The following MTTP variants were observed in gnomAD, a reference collection of about 807,000 sequenced individuals.
MTTP encodes the protein microsomal triglyceride transfer protein.
MTTP carries 49 observed loss-of-function variants against 90.6 expected under a neutral mutation model. That is an observed-to-expected ratio of 0.54 (90% CI 0.43 to 0.69). The LOEUF is 0.69. Among genes scored for constraint, MTTP ranks in the 30% least tolerant of loss-of-function variants. MTTP has a pLI of 0.00. For synonymous variants in MTTP, 347 were observed against 384.2 expected (o/e 0.90, Z 1.13); for missense variants, 945 against 1,067.5 (o/e 0.89, Z 1.60).
intron 15 of MTTP, among the ~76,000 whole-genome samples, chr4:99,615,389 A>G (rs1264873160): frequency 6.6e-6 from 1 of 152,248 alleles, no homozygotes; most frequent in Non-Finnish European, 1.5e-5. Context: ...GATCTAGATT[A>G]TCTTGTACAG....
chr4:99,584,703 T>C (rs906916823), intron 3 of MTTP, among the ~76,000 whole-genome samples: 4 of 152,262 alleles, frequency 2.6e-5, no homozygotes, highest in Non-Finnish European at 4.4e-5. Flanking sequence ...TAACCATCAC[T>C]CTTTAGAATG....
At chr4:99,611,758 C>T (rs1236327258) in intron 14 of MTTP, among the ~76,000 whole-genome samples, 1 of 152,106 alleles carries the variant, frequency 6.6e-6, no homozygotes, top group African/African-American at 2.4e-5. Flanking sequence ...CTTACATAAA[C>T]GTTTAAAAAT....
intron 6 of MTTP, among the ~76,000 whole-genome samples, chr4:99,593,773 A>T (rs896626617): frequency 9.2e-5 from 14 of 152,168 alleles, no homozygotes; most frequent in African/African-American, 3.4e-4. Context: ...TCTACTTCAT[A>T]TACTACTGGT....
At chr4:99,620,962 C>T (rs573698308) in intron 16 of MTTP, 99 bp from the exon 17 acceptor site, 314 of 1,143,690 alleles carry the variant, frequency 2.7e-4, no homozygotes, top group Non-Finnish European at 3.7e-4. Context: ...CTTCCAGTCA[C>T]TGGCATCATA....
intron 3 of MTTP, 166 bp downstream of exon 3, chr4:99,583,683 T>A (rs1312627057): frequency 2.4e-6 from 2 of 842,090 alleles, no homozygotes; most frequent in African/African-American, 1.7e-5. Flanking sequence ...CCAAACTGAA[T>A]CAATGCCCTG....
At chr4:99,568,427 T>C (rs1578226266) in intron 1 of MTTP, among the ~76,000 whole-genome samples, 1 of 152,158 alleles carries the variant, frequency 6.6e-6, no homozygotes, top group African/African-American at 2.4e-5. Flanking sequence ...TAGGTATAAA[T>C]CTAAAAAATT....
At chr4:99,608,688 C>A in intron 11 of MTTP, 78 bp from the exon 12 acceptor site, 1 of 1,109,678 alleles carries the variant, frequency 9.0e-7, no homozygotes, top group Non-Finnish European at 1.4e-6. Context: ...TATGAACACT[C>A]ACTATTCCTG....
intron 14 of MTTP, among the ~76,000 whole-genome samples, chr4:99,612,646 T>C (rs761738175): frequency 1.1e-4 from 17 of 152,270 alleles, no homozygotes; most frequent in Non-Finnish European, 2.1e-4. Flanking sequence ...ATTAGCTGAG[T>C]AAACTTGAAA....
At chr4:99,587,483 C>G (rs1725286375) in intron 3 of MTTP, among the ~76,000 whole-genome samples, 3 of 152,128 alleles carry the variant, frequency 2.0e-5, no homozygotes, top group African/African-American at 4.8e-5. Flanking sequence ...AAACTTGATC[C>G]ATTGCAGTGG....
rs201023117 is a variant in MTTP at position 99,619,112 on chromosome 4, C to T, written c.2342+14C>T. The T allele has an allele frequency of 1.9e-6, 3 of 1,606,016 alleles. No homozygotes were observed. Among genetic ancestry groups the T allele is most frequent in the Non-Finnish European group, 2.6e-6 (3 of 1,172,968 alleles). The stretch of plus-strand genomic sequence containing the variant: ...AGTGAAAAATAGGTAAGTGTTTATG[C>T]ATTATACATTTATGAATTACATATA... On this transcript the variant is annotated intron_variant, in intron 16 of 17. Coordinates refer to ENST00000265517, the MANE Select transcript of MTTP (RefSeq NM_001386140.1).
chr4:99,614,168 G>C (rs1413504213), intron 15 of MTTP, among the ~76,000 whole-genome samples: 2 of 152,044 alleles, frequency 1.3e-5, no homozygotes, highest in Non-Finnish European at 2.9e-5. Flanking sequence ...TTTGAATTTT[G>C]CCTCCGTTAC....
intron 6 of MTTP, among the ~76,000 whole-genome samples, chr4:99,592,590 G>A (rs1055508390): frequency 1.4e-5 from 2 of 142,550 alleles, no homozygotes; most frequent in Non-Finnish European, 3.0e-5. Flanking sequence ...TATTAGCCTC[G>A]GCCTACACAA....
chr4:99,584,556 G>A (rs974239953), intron 3 of MTTP, among the ~76,000 whole-genome samples: 3 of 150,106 alleles, frequency 2.0e-5, no homozygotes, highest in Admixed American at 6.6e-5. Context: ...TTTTCACCTC[G>A]CCTACAACCA....
Position 99,597,171 on chromosome 4 carries a change from T to G in MTTP, c.1014T>G (p.Thr338=), listed in dbSNP as rs1194747003. Residue 338 remains threonine, a synonymous_variant, in exon 8 of 18, where the codon ACT becomes ACG. Transcript: ENST00000265517. ...TGGCCTTCATTCAGCACCTCAGGAC[T>G]GCGAAGAAAGAAGAGATCCTTCAAA... The part of the protein sequence containing the change: ...NFLAFIQHLR[T]AKKEEILQIL... 1 of 1,613,996 alleles carries G rather than the reference T, an allele frequency of 6.2e-7. No individual in the cohort carries two copies. Among genetic ancestry groups the G allele is most frequent in the Admixed American group, 1.7e-5 (1 of 60,008 alleles).
rs1725678322 is a variant in MTTP at position 99,600,813 on chromosome 4, A to T, written c.1236+80A>T. On this transcript the variant is annotated intron_variant, in intron 9 of 17. Coordinates refer to ENST00000265517, the MANE Select transcript of MTTP (RefSeq NM_001386140.1). ...TTAACAGTAATTAAAAGTTTCTTAG[A>T]TCTGAATGAAGGCTATCAACTAGAG... 5.0e-6 allele frequency: 7 copies of T among 1,403,918 alleles called. No individual in the cohort carries two copies. In the Admixed American group the frequency reaches 7.7e-5, roughly 15 times the overall value. The allele number at this position is 1,403,918 out of a possible 1,614,324, so 87.0% of individuals were successfully genotyped here.
intron 4 of MTTP, 113 bp from the exon 5 acceptor site, chr4:99,591,122 G>A (rs1362707649): frequency 7.7e-6 from 6 of 780,176 alleles, no homozygotes; most frequent in Non-Finnish European, 1.1e-5. Context: ...TCCTGGGGGA[G>A]AAAAAAAGTC....
rs1725135088 is a variant in MTTP, at chr4:99,582,105, T to C, written c.249+13T>C. 6.2e-7 allele frequency: 1 copy of C among 1,613,772 alleles called. No individual in the cohort carries two copies. The highest frequency in any genetic ancestry group is 1.7e-4 in the Middle Eastern group (1 of 6,060). On this transcript the variant is annotated intron_variant, in intron 2 of 17. Coordinates refer to ENST00000265517, the MANE Select transcript of MTTP (RefSeq NM_001386140.1). The stretch of plus-strand genomic sequence containing the variant: ...GATCCAAATAACGGTGGGCATTTTC[T>C]ACCAGATAAATGCAAAGATTAGATA...
At chr4:99,594,227 A>T (rs939489636) in intron 6 of MTTP, among the ~76,000 whole-genome samples, 1 of 152,190 alleles carries the variant, frequency 6.6e-6, no homozygotes, top group African/African-American at 2.4e-5. Context: ...AGTCTCCTCT[A>T]TTAGTTGAGG....
intron 1 of MTTP, among the ~76,000 whole-genome samples, chr4:99,579,203 T>C (rs563654802): frequency 6.6e-6 from 1 of 152,352 alleles, no homozygotes; most frequent in Admixed American, 6.5e-5. Context: ...ATGAAAATGC[T>C]TGTCCCTTTT....
Sources: gnomAD v4.1 joint callset for allele counts (sites outside exome capture counted in the v4.1 genomes callset) on GRCh38, gnomAD v4.1.1 for gene constraint, MANE v1.5 for transcripts, NCBI Gene and HGNC (gene_info 2026-07-23, HGNC 2026-07-21) for gene names.